ATP12A: variants seen among roughly 807,000 people sequenced by gnomAD.
The protein encoded by ATP12A is potassium-transporting ATPase alpha chain 2.
Under a neutral mutation model 111.2 loss-of-function variants are expected in ATP12A, and 81 were observed. That is an observed-to-expected ratio of 0.73 (90% CI 0.61 to 0.88). The LOEUF (loss-of-function observed/expected upper bound fraction) is 0.88, where lower values mean the gene tolerates loss of function less well. ATP12A is among the 40% of genes least tolerant of loss of function. The pLI, the probability that ATP12A is intolerant of heterozygous loss-of-function variation, is 0.00. For synonymous variants in ATP12A, 498 were observed against 499.8 expected, an observed-to-expected ratio of 1.00 and a Z score of 0.05; for missense variants, 1,196 against 1,313.1, an observed-to-expected ratio of 0.91 and a Z score of 1.38.
Position 24,685,212 on chromosome 13 carries a change from C to A in ATP12A, c.169-102C>A. 1 of 1,109,196 alleles carries A rather than the reference C, an allele frequency of 9.0e-7. No homozygotes were observed. Among genetic ancestry groups the A allele is most frequent in the Non-Finnish European group, 1.4e-6 (1 of 725,868 alleles). The allele number at this position is 1,109,196 out of a possible 1,614,324, so 68.7% of individuals were successfully genotyped here. On this transcript the variant is annotated intron_variant, in intron 2 of 22. Transcript: ENST00000381946. The surrounding 1 kb of genome is among the most constrained non-coding windows in gnomAD (Gnocchi z 5.5). ...CCCACACTCCTCGATCCCCTCCCAT[C>A]CTCAGGGCTGCTACTCCCAGCTTCC...
chr13:24,683,593 G>A (rs1452300643), intron 2 of ATP12A, among the ~76,000 whole-genome samples: 1 of 150,478 alleles, frequency 6.6e-6, no homozygotes, highest in Non-Finnish European at 1.5e-5. Context: ...ATACCACTGG[G>A]CATTTGTCCG....
In ATP12A at chr13:24,682,406, T is replaced by C. The variant is rs566439371; in HGVS notation, c.168+686T>C. On this transcript the variant is annotated intron_variant, in intron 2 of 22. Coordinates refer to ENST00000381946, the MANE Select transcript of ATP12A (RefSeq NM_001676.7). ...GTGTGGTGTGTGGTGTGTGTATGTGTGTGTGTGTGTTTTGAATGGTGTGAT... is the reference window on the plus strand; with the variant it reads ...GTGTGGTGTGTGGTGTGTGTATGTGCGTGTGTGTGTTTTGAATGGTGTGAT... Among the ~76,000 whole-genome samples, 65 of 121,768 alleles carry C rather than the reference T, an allele frequency of 5.3e-4. 4 individuals carry two copies. Among genetic ancestry groups the C allele is most frequent in the African/African-American group, 1.5e-3 (48 of 32,014 alleles). 79.9% of individuals were successfully genotyped at this position (121,768 alleles called of 152,430 possible).
Position 24,694,582 on chromosome 13 carries a change from A to C in ATP12A, c.1512+4A>C. ...TAACTCTACTAATAAATTTCAGGTG[A>C]GTTTTTCCTCACAACCGGTAATCTC... On this transcript the variant is annotated splice_donor_region_variant and intron_variant, in intron 11 of 22. Coordinates refer to ENST00000381946, the MANE Select transcript of ATP12A (RefSeq NM_001676.7). 1.9e-6 allele frequency: 3 copies of C among 1,612,466 alleles called. No individual in the cohort carries two copies. Among genetic ancestry groups the C allele is most frequent in the Non-Finnish European group, 2.5e-6 (3 of 1,179,996 alleles).
chr13:24,689,425 A>C (rs377361623), intron 5 of ATP12A, 50 bp downstream of exon 5: 20 of 1,512,430 alleles, frequency 1.3e-5, no homozygotes, highest in Non-Finnish European at 1.7e-5. Flanking sequence ...CCAGGTGAGG[A>C]AGCCTCAGCT....
intron 2 of ATP12A, among the ~76,000 whole-genome samples, chr13:24,683,076 C>A (rs1212111775): frequency 6.6e-6 from 1 of 151,834 alleles, no homozygotes; most frequent in African/African-American, 2.4e-5. Flanking sequence ...CTTGCCTCGG[C>A]CTCCCGAGTC....
At position 24,709,668 on chromosome 13, in the gene ATP12A, C is replaced by T. The variant is rs1566078754; in HGVS notation, c.2618-15C>T. 16 of 1,613,924 alleles carry T rather than the reference C, an allele frequency of 9.9e-6. No homozygotes were observed. The highest frequency in any genetic ancestry group is 1.4e-5 in the Non-Finnish European group (16 of 1,179,812). On this transcript the variant is annotated splice_polypyrimidine_tract_variant and intron_variant, in intron 18 of 22. Transcript: ENST00000381946. ...CCATCATAGAACCTGTGTCCTATCT[C>T]TCTTGTTCTTTCAGGCCTCATGCAA...
At position 24,685,477 on chromosome 13, in the gene ATP12A, G is replaced by A; in HGVS notation, c.228+104G>A. 1 of 1,233,792 alleles carries A rather than the reference G, an allele frequency of 8.1e-7. No homozygotes were observed. The highest frequency in any genetic ancestry group is 2.3e-5 in the East Asian group (1 of 43,092). 76.4% of individuals were successfully genotyped at this position (1,233,792 alleles called of 1,614,324 possible). On this transcript the variant is annotated intron_variant, in intron 3 of 22. Coordinates refer to ENST00000381946, the MANE Select transcript of ATP12A (RefSeq NM_001676.7). This position sits in a 1 kb window ranked among gnomAD's most constrained non-coding sequence, Gnocchi z 5.5. ...TGTGGAAGAGTAGCGGCACCTTTAG[G>A]AGGAGGGGCCCCTGCAGCGCCTTTG...
chr13:24,696,406 A>G (rs1178568180), intron 11 of ATP12A, among the ~76,000 whole-genome samples: 1 of 139,210 alleles, frequency 7.2e-6, no homozygotes, highest in Non-Finnish European at 1.6e-5. Context: ...ACAGAGTGGG[A>G]CTAGAAAGGG....
chr13:24,696,195 G>T (rs1223879862), intron 11 of ATP12A, among the ~76,000 whole-genome samples: 1 of 152,130 alleles, frequency 6.6e-6, no homozygotes, highest in Non-Finnish European at 1.5e-5. Flanking sequence ...ACACTGTGGG[G>T]TGGCTAGAGG....
chr13:24,684,081 A>G (rs1874580370), intron 2 of ATP12A, among the ~76,000 whole-genome samples: 1 of 147,894 alleles, frequency 6.8e-6, no homozygotes, highest in African/African-American at 2.5e-5. Flanking sequence ...CCCCTCCCCC[A>G]TGCTCTCATC....
chr13:24,699,269 C>G (rs952143047), intron 12 of ATP12A, among the ~76,000 whole-genome samples: 2 of 152,118 alleles, frequency 1.3e-5, no homozygotes, highest in African/African-American at 4.8e-5. Flanking sequence ...AGATGGAGGT[C>G]TTGAACATCT....
At chr13:24,687,908 T>C (rs1381733358) in intron 3 of ATP12A, among the ~76,000 whole-genome samples, 1 of 152,134 alleles carries the variant, frequency 6.6e-6, no homozygotes, top group Non-Finnish European at 1.5e-5. Context: ...TAAAACCCCT[T>C]AGCAGAGCAG....
intron 2 of ATP12A, among the ~76,000 whole-genome samples, chr13:24,684,064 C>A (rs1874579529): frequency 6.6e-6 from 1 of 151,840 alleles, no homozygotes; most frequent in African/African-American, 2.4e-5. Context: ...ACCACCACCT[C>A]GTCCCACCCC....
rs578034787 is a variant in ATP12A at position 24,711,470 on chromosome 13, A to G, written c.3092-24A>G. The stretch of plus-strand genomic sequence containing the variant: ...CACTTCAACAGACTCTCCATTTCTG[A>G]TGTACTTTTTTCTACCTCTACAGGC... On this transcript the variant is annotated intron_variant, in intron 22 of 22. Coordinates refer to ENST00000381946, the MANE Select transcript of ATP12A (RefSeq NM_001676.7). The G allele has an allele frequency of 3.7e-6, 6 of 1,614,004 alleles. No individual in the cohort carries two copies. The East Asian group carries it at 1.1e-4, about 30-fold the overall frequency.
intron 14 of ATP12A, among the ~76,000 whole-genome samples, chr13:24,703,073 C>CG (rs1279631506): frequency 2.6e-5 from 4 of 152,200 alleles, no homozygotes; most frequent in Non-Finnish European, 5.9e-5. Context: ...CCAGGGTTCC[C>CG]GCCTCTGGGC....
Position 24,706,199 on chromosome 13 carries a change from G to A in ATP12A, c.2019-114G>A, listed in dbSNP as rs535210500. The A allele has an allele frequency of 1.4e-5, 20 of 1,398,188 alleles. No homozygotes were observed. The African/African-American group carries it at 2.4e-4, about 17-fold the overall frequency. The allele number at this position is 1,398,188 out of a possible 1,614,324, so 86.6% of individuals were successfully genotyped here. On this transcript the variant is annotated intron_variant, in intron 14 of 22. Transcript: ENST00000381946. ...ACCTCACTAGAGCATTAGGTATCAAGGACACTGGGTTCCAGGTCAAGTCAG... is the reference window on the plus strand; with the variant it reads ...ACCTCACTAGAGCATTAGGTATCAAAGACACTGGGTTCCAGGTCAAGTCAG...
At chr13:24,693,188 A>G (rs777931886) in intron 10 of ATP12A, among the ~76,000 whole-genome samples, 77 of 152,262 alleles carry the variant, frequency 5.1e-4, no homozygotes, top group African/African-American at 1.6e-3. Flanking sequence ...AGTGGATATA[A>G]TCAAAGTTCC....
chr13:24,691,107 A>ACTTTGTGCCACT lies in ATP12A; in HGVS notation c.925_926insCTTTGTGCCACT (p.Ile309delinsThrLeuCysHisPhe), dbSNP rs765504262. 9 of 1,614,100 alleles carry ACTTTGTGCCACT rather than the reference A, an allele frequency of 5.6e-6. No homozygotes were observed. In the South Asian group the frequency reaches 9.9e-5, roughly 18 times the overall value. ...CATTGAGATCGAGCACTTTGTTCAC[A>ACTTTGTGCCACT]TTGTGGCAGGAGTGGCTGTCTCCAT... On this transcript the variant is annotated protein_altering_variant, in exon 8 of 23. Coordinates refer to ENST00000381946, the MANE Select transcript of ATP12A (RefSeq NM_001676.7).
chr13:24,698,791 CT>C lies in ATP12A; in HGVS notation c.1647del (p.Ala550ProfsTer39). The C allele has an allele frequency of 6.2e-7, 1 of 1,614,092 alleles. No homozygotes were observed. ...NGEEHPLDKSTAKTFHTAYME... is the reference protein window; with the variant it reads ...NGEEHPLDKSXAKTFHTAYME... ...GAGGAGCACCCACTGGACAAGAGCA[CT>C]GCCAAGACCTTCCACACAGCCTACA... is the stretch of plus-strand genomic sequence containing the variant. On this transcript the variant is annotated frameshift_variant, in exon 12 of 23. Transcript: ENST00000381946. LOFTEE classifies it high-confidence loss of function.
Sources: gnomAD v4.1 joint callset for allele counts (sites outside exome capture counted in the v4.1 genomes callset) on GRCh38, gnomAD v4.1.1 for gene constraint, Gnocchi (gnomAD v3.1) non-coding constraint, MANE v1.5 for transcripts, NCBI Gene and HGNC (gene_info 2026-07-23, HGNC 2026-07-21) for gene names.